The following KMT2C variants were observed in gnomAD, a reference collection of about 807,000 sequenced individuals.
The protein encoded by KMT2C is histone-lysine N-methyltransferase 2C.
KMT2C carries 88 observed loss-of-function variants against 507.9 expected under a neutral mutation model. The ratio of observed to expected loss-of-function variants is 0.17; its 90% CI spans 0.15 to 0.21. The LOEUF is 0.21. Among genes scored for constraint, KMT2C ranks in the 10% least tolerant of loss-of-function variants. The pLI is 1.00. For missense variants in KMT2C, 4,954 were observed against 5,957.8 expected (o/e 0.83, Z 5.55); for synonymous variants, 2,049 against 2,080.8 (o/e 0.98, Z 0.42).
At chr7:152,367,369 G>A in intron 1 of KMT2C, 1 of 729,646 alleles carries the variant, frequency 1.4e-6, no homozygotes, top group Non-Finnish European at 2.4e-6. Flanking sequence ...GCACCTACCA[G>A]GGGCACCCCC....
At chr7:152,271,248 A>G (rs1352320828) in intron 7 of KMT2C, among the ~76,000 whole-genome samples, 1 of 152,172 alleles carries the variant, frequency 6.6e-6, no homozygotes, top group Non-Finnish European at 1.5e-5. Context: ...ATATTTATAA[A>G]ACATGTTAAA....
At chr7:152,292,446 G>A (rs1436437175) in intron 6 of KMT2C, among the ~76,000 whole-genome samples, 1 of 152,166 alleles carries the variant, frequency 6.6e-6, no homozygotes, top group Non-Finnish European at 1.5e-5. Context: ...ACACTGTAGT[G>A]CAACAGAAGT....
chr7:152,180,813 G>T lies in KMT2C; in HGVS notation c.7047C>A (p.Phe2349Leu). The T allele has an allele frequency of 6.2e-7, 1 of 1,614,176 alleles. No homozygotes were observed. Among genetic ancestry groups the T allele is most frequent in the South Asian group, 1.1e-5 (1 of 91,086 alleles). Residue 2349 changes from phenylalanine (F) to leucine (L), a missense_variant, in exon 36 of 59, where the codon TTC (phenylalanine) becomes TTA (leucine). Phe to Leu is a conservative substitution (Grantham distance 22, BLOSUM62 0). This residue lies in a region of KMT2C where 1,689 missense variants were observed against 1,654.3 expected (regional missense o/e 1.02). Coordinates refer to ENST00000262189, the MANE Select transcript of KMT2C (RefSeq NM_170606.3). ...GTCCAGGAAGTTGGGAGACACCAGA[G>T]AACTGCTGGCCTTGGGAGTGCATTG... ...NSPMHSQGQQ[F>L]SGVSQLPGPV...
intron 1 of KMT2C, among the ~76,000 whole-genome samples, chr7:152,413,355 C>T (rs1004629799): frequency 3.3e-5 from 5 of 152,042 alleles, no homozygotes; most frequent in Admixed American, 1.3e-4. Flanking sequence ...TGAAGCAATC[C>T]GCCTGCCTCA....
chr7:152,145,421 T>A, intron 53 of KMT2C, 126 bp from the exon 54 acceptor site: 1 of 917,912 alleles, frequency 1.1e-6, no homozygotes, highest in Non-Finnish European at 1.6e-6. Flanking sequence ...AATAAAATGG[T>A]CTTCTAGCTT....
intron 50 of KMT2C, 88 bp downstream of exon 50, chr7:152,151,354 G>A (rs990549727): frequency 7.4e-7 from 1 of 1,357,726 alleles, no homozygotes; most frequent in East Asian, 2.4e-5. Flanking sequence ...ACCATAAGTG[G>A]TGTCTCTCTC....
Position 152,162,168 on chromosome 7 carries a change from G to A in KMT2C, c.11409C>T (p.Asp3803=). ...CAACTAGTTTATTATCCTTTGTACA[G>A]TCATCTTCTGAACAAATACTGCCCT... is the stretch of plus-strand genomic sequence containing the variant. The part of the protein sequence containing the change: ...KPEGSICSED[D]CTKDNKLVEK... Residue 3803 remains aspartate (D), a synonymous_variant, in exon 43 of 59, where the codon GAC becomes GAT. Coordinates refer to ENST00000262189, the MANE Select transcript of KMT2C (RefSeq NM_170606.3). 6.2e-7 allele frequency: 1 copy of A among 1,608,990 alleles called. No homozygotes were observed. Among genetic ancestry groups the A allele is most frequent in the Non-Finnish European group, 8.5e-7 (1 of 1,178,048 alleles).
intron 3 of KMT2C, among the ~76,000 whole-genome samples, chr7:152,316,094 T>A (rs1012389602): frequency 1.3e-5 from 2 of 152,112 alleles, no homozygotes; most frequent in Non-Finnish European, 2.9e-5. Flanking sequence ...TATAAAAATA[T>A]AAACTTAAAT....
intron 1 of KMT2C, among the ~76,000 whole-genome samples, chr7:152,400,333 A>G (rs527848451): frequency 1.3e-5 from 2 of 152,304 alleles, no homozygotes; most frequent in African/African-American, 2.4e-5. Context: ...AAGAAAGATC[A>G]CTAAAGCCGT....
At chr7:152,415,761 T>C (rs1431491636) in intron 1 of KMT2C, among the ~76,000 whole-genome samples, 3 of 152,134 alleles carry the variant, frequency 2.0e-5, no homozygotes, top group African/African-American at 7.2e-5. Flanking sequence ...ATGCCTGTAA[T>C]CCCAGCTACT....
chr7:152,352,688 C>T (rs954464155), intron 2 of KMT2C, among the ~76,000 whole-genome samples: 18 of 152,300 alleles, frequency 1.2e-4, no homozygotes, highest in East Asian at 3.9e-4. Flanking sequence ...GAATTTCCCC[C>T]GATATCCCTT....
chr7:152,391,625 C>T (rs2097499468), intron 1 of KMT2C, among the ~76,000 whole-genome samples: 1 of 151,918 alleles, frequency 6.6e-6, no homozygotes, highest in Admixed American at 6.5e-5. Context: ...CAACCTCTGC[C>T]TCCCAGGTTC....
intron 1 of KMT2C, among the ~76,000 whole-genome samples, chr7:152,398,882 C>T (rs1283121296): frequency 6.6e-6 from 1 of 152,154 alleles, no homozygotes; most frequent in African/African-American, 2.4e-5. Context: ...GGCTGGAGTG[C>T]AACAGCACAA....
intron 48 of KMT2C, among the ~76,000 whole-genome samples, chr7:152,153,291 C>A (rs1458321448): frequency 2.6e-5 from 4 of 152,182 alleles, no homozygotes; most frequent in African/African-American, 9.7e-5. Flanking sequence ...GGCTTCCCTC[C>A]AGCTCTGACA....
chr7:152,180,444 G>A (rs2093395126), intron 36 of KMT2C, among the ~76,000 whole-genome samples: 2 of 152,072 alleles, frequency 1.3e-5, no homozygotes, highest in Admixed American at 1.3e-4. Context: ...GATGATTTGG[G>A]TCCTTTTCCT....
At chr7:152,272,784 T>TG (rs2096001631) in intron 7 of KMT2C, among the ~76,000 whole-genome samples, 1 of 152,176 alleles carries the variant, frequency 6.6e-6, no homozygotes, top group Non-Finnish European at 1.5e-5. Flanking sequence ...AAAAGGGTAA[T>TG]GATCATGTAG....
At position 152,182,494 on chromosome 7, in the gene KMT2C, C is replaced by A. The variant is rs199516845; in HGVS notation, c.5366G>T (p.Gly1789Val). Residue 1789 changes from glycine (G) to valine (V), a missense_variant, in exon 36 of 59, where the codon GGT becomes GTT. Physicochemically the swap from Gly to Val is moderately radical, Grantham distance 109. Around this residue, in one of 29 missense-constraint regions of KMT2C, gnomAD observed 1,689 missense variants for 1,654.3 expected, o/e 1.02. Transcript: ENST00000262189. The stretch of plus-strand genomic sequence containing the variant: ...AGACTGCACCAGAAGATGCTGAGAA[C>A]CAAATTGCTGTTGTTGCTGCTGCTG... ...EQQQQQQQQF[G>V]SQHLLVQSGS... 2.5e-6 allele frequency: 4 copies of A among 1,613,882 alleles called. No homozygotes were observed. Among genetic ancestry groups the A allele is most frequent in the Non-Finnish European group, 8.5e-7 (1 of 1,179,930 alleles).
chr7:152,255,157 ATGTGTGTGTG>A (rs112731121), intron 9 of KMT2C, among the ~76,000 whole-genome samples: 5 of 128,380 alleles, frequency 3.9e-5, no homozygotes, highest in Admixed American at 7.9e-5. Flanking sequence ...ATATATATAT[ATGTGTGTGTG>A]TGTGTGTGTG....
intron 31 of KMT2C, among the ~76,000 whole-genome samples, chr7:152,192,731 A>C (rs1426285036): frequency 1.3e-5 from 2 of 152,220 alleles, no homozygotes; most frequent in East Asian, 3.8e-4. Flanking sequence ...ATGTATATAC[A>C]AAGTTGTTAG....
Sources: gnomAD v4.1 joint callset for allele counts (sites outside exome capture counted in the v4.1 genomes callset) on GRCh38, gnomAD v4.1.1 for gene constraint, gnomAD v4.1.1 regional missense constraint, MANE v1.5 for transcripts, NCBI Gene and HGNC (gene_info 2026-07-23, HGNC 2026-07-21) for gene names.